Variants in CUBN observed in about 807,000 individuals in gnomAD.
CUBN encodes 460 kDa receptor.
In CUBN, 282 loss-of-function variants were observed where a neutral mutation model predicts 405.3. The ratio of observed to expected loss-of-function variants is 0.70; its 90% CI spans 0.63 to 0.77. The LOEUF (loss-of-function observed/expected upper bound fraction) is 0.77. CUBN is among the 30% of genes least tolerant of loss of function. The pLI is 0.00. For missense variants in CUBN, 4,514 were observed against 4,475.2 expected, an observed-to-expected ratio of 1.01 and a Z score of -0.25; for synonymous variants, 1,684 against 1,617.0, an observed-to-expected ratio of 1.04 and a Z score of -0.99.
intron 31 of CUBN, among the ~76,000 whole-genome samples, chr10:16,959,078 A>G (rs1054515878): frequency 7.9e-5 from 12 of 152,140 alleles, no homozygotes; most frequent in African/African-American, 2.9e-4. Context: ...TAATCCATTC[A>G]TGATGGCAAG....
rs149373259 is a variant in CUBN at position 16,884,941 on chromosome 10, A to T, written c.8905+3476T>A. On this transcript the variant is annotated intron_variant, in intron 56 of 66. Transcript: ENST00000377833. ...CAGAAATGCTTAGCCATTTGAACAG[A>T]GTCTCTCAGAAACAGTTCCAAGTGC... Among the ~76,000 whole-genome samples, 4 of 152,290 alleles carry T rather than the reference A, an allele frequency of 2.6e-5. No homozygotes were observed. In the East Asian group the frequency reaches 7.7e-4, roughly 29 times the overall value.
intron 43 of CUBN, among the ~76,000 whole-genome samples, chr10:16,922,093 T>G (rs1437465739): frequency 6.6e-6 from 1 of 152,148 alleles, no homozygotes; most frequent in Non-Finnish European, 1.5e-5. Flanking sequence ...ACTTATTTAT[T>G]GTCTGCATCT....
chr10:17,042,762 A>T (rs1835045835), intron 26 of CUBN, among the ~76,000 whole-genome samples: 1 of 152,166 alleles, frequency 6.6e-6, no homozygotes, highest in Non-Finnish European at 1.5e-5. Flanking sequence ...GATATAAATC[A>T]ATGTGAATCT....
chr10:16,905,190 C>T (rs1373074927), intron 50 of CUBN, among the ~76,000 whole-genome samples: 1 of 152,094 alleles, frequency 6.6e-6, no homozygotes, highest in Non-Finnish European at 1.5e-5. Flanking sequence ...GTACTATTTA[C>T]AATATTATTG....
intron 60 of CUBN, among the ~76,000 whole-genome samples, chr10:16,849,169 CTACTT>C (rs1483003509): frequency 6.6e-6 from 1 of 152,156 alleles, no homozygotes; most frequent in Non-Finnish European, 1.5e-5. Context: ...TTCTTGGCCT[CTACTT>C]TACAATTCAA....
In CUBN at chr10:16,841,039, A is replaced by G; in HGVS notation, c.9672T>C (p.Asp3224=). ...RCLYDYVKLY[D]GDSENANLAG... ...CCAAGTTCGCATTTTCACTATCCCC[A>G]TCATATAACTGAGAAGAAAAACAAT... is the stretch of plus-strand genomic sequence containing the variant. The change falls in exon 61 of 67, where the codon GAT becomes GAC. Residue 3224 remains aspartate, a synonymous_variant. Coordinates refer to ENST00000377833, the MANE Select transcript of CUBN (RefSeq NM_001081.4). 1 of 1,614,030 alleles carries G rather than the reference A, an allele frequency of 6.2e-7. No homozygotes were observed. The highest frequency in any genetic ancestry group is 8.5e-7 in the Non-Finnish European group (1 of 1,179,948).
Position 17,086,463 on chromosome 10 carries a change from G to A in CUBN, c.1948-704C>T, listed in dbSNP as rs1836111936. Among the ~76,000 whole-genome samples, 12 of 152,162 alleles carry A rather than the reference G, an allele frequency of 7.9e-5. No homozygotes were observed. The South Asian group carries it at 2.5e-3, about 32-fold the overall frequency. On this transcript the variant is annotated intron_variant, in intron 15 of 66. Coordinates refer to ENST00000377833, the MANE Select transcript of CUBN (RefSeq NM_001081.4). ...CATAACTTGGTCCAGGTTTTCAGAA[G>A]GGTCAGAGGTAGAGAGGAAGTGCCA...
At chr10:16,932,659 C>A (rs968649219) in intron 40 of CUBN, among the ~76,000 whole-genome samples, 1 of 152,134 alleles carries the variant, frequency 6.6e-6, no homozygotes, top group Admixed American at 6.6e-5. Flanking sequence ...CTCTTGGACT[C>A]AAGTGATCCT....
chr10:16,932,135 G>A (rs1395152767), intron 40 of CUBN, among the ~76,000 whole-genome samples: 1 of 152,172 alleles, frequency 6.6e-6, no homozygotes, highest in Non-Finnish European at 1.5e-5. Context: ...GTGTATGATT[G>A]ATTTGAGTCT....
intron 22 of CUBN, among the ~76,000 whole-genome samples, chr10:17,064,021 A>G (rs1835557927): frequency 6.6e-6 from 1 of 152,176 alleles, no homozygotes; most frequent in African/African-American, 2.4e-5. Flanking sequence ...GCACCCTATA[A>G]TTTCTTAAGA....
At chr10:16,838,208 T>A (rs7908449) in intron 62 of CUBN, among the ~76,000 whole-genome samples, 29,774 of 152,054 alleles carry the variant, frequency 0.2, 5,101 homozygotes, top group African/African-American at 0.45. Context: ...GCCTCTCCAC[T>A]CTGGAGTCAC....
At chr10:16,866,412 C>G (rs1840185013) in intron 59 of CUBN, among the ~76,000 whole-genome samples, 1 of 152,112 alleles carries the variant, frequency 6.6e-6, no homozygotes, top group Non-Finnish European at 1.5e-5. Flanking sequence ...TAAACAGAGT[C>G]AAGGCAGGAG....
Position 16,890,538 on chromosome 10 carries a change from C to A in CUBN, c.8599-11G>T. Reference sequence around the variant, plus strand: ...AGTTCCTGCCCACACCTAGCACGGACATACACAGAACTTTAATGCTCAAGG... The same window carrying A: ...AGTTCCTGCCCACACCTAGCACGGAAATACACAGAACTTTAATGCTCAAGG... On this transcript the variant is annotated splice_polypyrimidine_tract_variant and intron_variant, in intron 54 of 66. Transcript: ENST00000377833. 6.2e-7 allele frequency: 1 copy of A among 1,614,144 alleles called. No individual in the cohort carries two copies. Among genetic ancestry groups the A allele is most frequent in the Non-Finnish European group, 8.5e-7 (1 of 1,180,010 alleles).
In CUBN at chr10:17,045,998, T is replaced by A. The variant is rs200107383; in HGVS notation, c.3426A>T (p.Lys1142Asn). 1.9e-5 allele frequency: 30 copies of A among 1,614,018 alleles called. No homozygotes were observed. The highest frequency in any genetic ancestry group is 2.5e-5 in the Non-Finnish European group (29 of 1,179,938). Reference protein sequence around the residue: ...IISHSNKLWLKFKSDQIDTRS... With the variant: ...IISHSNKLWLNFKSDQIDTRS... ...TTGTGTCTATTTGGTCACTCTTAAA[T>A]TTTAACCATAGTTTGTTACTATGAG... Residue 1142 changes from lysine (K) to asparagine (N), a missense_variant, in exon 24 of 67, where the codon AAA becomes AAT. By Grantham distance (94) the Lys-to-Asn change is moderately conservative. Coordinates refer to ENST00000377833, the MANE Select transcript of CUBN (RefSeq NM_001081.4).
chr10:17,084,590 C>G, intron 16 of CUBN, 129 bp from the exon 17 acceptor site: 3 of 793,312 alleles, frequency 3.8e-6, no homozygotes, highest in South Asian at 1.5e-5. Context: ...TATTCACCCT[C>G]TATAGGCTTG....
At chr10:16,907,990 T>C (rs895335320) in intron 48 of CUBN, among the ~76,000 whole-genome samples, 6 of 152,188 alleles carry the variant, frequency 3.9e-5, no homozygotes, top group South Asian at 2.1e-4. Flanking sequence ...AGATGAGCCA[T>C]TGTGCTTACA....
At chr10:17,012,928 A>C (rs1182569361) in intron 28 of CUBN, among the ~76,000 whole-genome samples, 1 of 152,152 alleles carries the variant, frequency 6.6e-6, no homozygotes, top group Non-Finnish European at 1.5e-5. Flanking sequence ...TTTGTATGGT[A>C]ATTAAGATTT....
At chr10:17,018,577 G>T (rs1461009128) in intron 28 of CUBN, among the ~76,000 whole-genome samples, 1 of 152,178 alleles carries the variant, frequency 6.6e-6, no homozygotes, top group African/African-American at 2.4e-5. Flanking sequence ...ATTGTGAAGA[G>T]TGAAAGAACA....
chr10:16,843,495 T>C (rs537305897), intron 60 of CUBN, among the ~76,000 whole-genome samples: 2 of 152,196 alleles, frequency 1.3e-5, no homozygotes, highest in African/African-American at 2.4e-5. Flanking sequence ...AACATGATTT[T>C]AGTTAATTCA....
Sources: gnomAD v4.1 joint callset for allele counts (sites outside exome capture counted in the v4.1 genomes callset) on GRCh38, gnomAD v4.1.1 for gene constraint, MANE v1.5 for transcripts, NCBI Gene and HGNC (gene_info 2026-07-23, HGNC 2026-07-21) for gene names.